Variants in FNBP1L observed in about 807,000 individuals in gnomAD.
FNBP1L encodes formin binding protein 1 like, also known as formin-binding protein 1-like.
In FNBP1L, 36 loss-of-function variants were observed where a neutral mutation model predicts 91.2. The ratio of observed to expected loss-of-function variants is 0.39; its 90% CI spans 0.30 to 0.52. The LOEUF (loss-of-function observed/expected upper bound fraction) is 0.52. FNBP1L is among the 20% of genes least tolerant of loss of function. FNBP1L has a pLI of 0.66. For missense variants in FNBP1L, 571 were observed against 732.1 expected, an observed-to-expected ratio of 0.78 and a Z score of 2.54; for synonymous variants, 242 against 237.0, an observed-to-expected ratio of 1.02 and a Z score of -0.19.
chr1:93,512,376 C>T (rs1570824539), intron 2 of FNBP1L, among the ~76,000 whole-genome samples: 3 of 151,568 alleles, frequency 2.0e-5, no homozygotes, highest in African/African-American at 7.3e-5. Context: ...GACAGAAAGT[C>T]AACAAGGATA....
At chr1:93,539,948 T>C (rs1039291140) in intron 10 of FNBP1L, among the ~76,000 whole-genome samples, 1 of 152,114 alleles carries the variant, frequency 6.6e-6, no homozygotes, top group Non-Finnish European at 1.5e-5. Context: ...CCCAACACCT[T>C]CTCTTAAAAC....
At chr1:93,525,960 C>T (rs922856810) in intron 5 of FNBP1L, among the ~76,000 whole-genome samples, 1 of 152,074 alleles carries the variant, frequency 6.6e-6, no homozygotes, top group African/African-American at 2.4e-5. Flanking sequence ...ATGTCTTCCT[C>T]TTTAGTCAAG....
intron 2 of FNBP1L, among the ~76,000 whole-genome samples, chr1:93,507,796 A>G (rs896150077): frequency 1.3e-4 from 19 of 151,822 alleles, no homozygotes; most frequent in Admixed American, 3.9e-4. Flanking sequence ...TTATAGGTGT[A>G]CACCACCGCA....
chr1:93,535,652 A>G (rs1671823082), intron 9 of FNBP1L, among the ~76,000 whole-genome samples: 1 of 152,060 alleles, frequency 6.6e-6, no homozygotes, highest in South Asian at 2.1e-4. Context: ...TAAAATTAAA[A>G]TTTAACTCAT....
At chr1:93,552,283 G>T in intron 16 of FNBP1L, 126 bp from the exon 17 acceptor site, 3 of 1,466,276 alleles carry the variant, frequency 2.0e-6, no homozygotes, top group Non-Finnish European at 1.8e-6. Flanking sequence ...AATTTTCCTG[G>T]TGTTTTCGGT....
intron 2 of FNBP1L, among the ~76,000 whole-genome samples, chr1:93,510,590 G>T (rs567719851): frequency 2.6e-5 from 4 of 152,150 alleles, no homozygotes; most frequent in Non-Finnish European, 5.9e-5. Context: ...CACCAGCAAC[G>T]GAACAAAGCT....
chr1:93,463,439 A>G (rs562642823), intron 1 of FNBP1L, among the ~76,000 whole-genome samples: 1 of 152,294 alleles, frequency 6.6e-6, no homozygotes, highest in Non-Finnish European at 1.5e-5. Flanking sequence ...CCAATTAACC[A>G]GTTGTAAAGT....
At chr1:93,536,956 A>C (rs2101764104) in intron 10 of FNBP1L, among the ~76,000 whole-genome samples, 1 of 152,254 alleles carries the variant, frequency 6.6e-6, no homozygotes, top group African/African-American at 2.4e-5. Flanking sequence ...AATAGTTAAA[A>C]AAAATTAAAG....
At chr1:93,513,980 G>T (rs1278184191) in intron 2 of FNBP1L, among the ~76,000 whole-genome samples, 1 of 152,036 alleles carries the variant, frequency 6.6e-6, no homozygotes, top group Admixed American at 6.6e-5. Context: ...AAGTCAAATT[G>T]TCCCTGTTTG....
chr1:93,538,001 A>G (rs1671901510), intron 10 of FNBP1L, among the ~76,000 whole-genome samples: 1 of 152,134 alleles, frequency 6.6e-6, no homozygotes, highest in Non-Finnish European at 1.5e-5. Context: ...GGCAATTTAG[A>G]CTACACTAAA....
At chr1:93,468,362 CTT>C (rs1297529175) in intron 1 of FNBP1L, among the ~76,000 whole-genome samples, 1 of 151,840 alleles carries the variant, frequency 6.6e-6, no homozygotes, top group Admixed American at 6.6e-5. Context: ...TGTTGATTGA[CTT>C]TTAGGTGTTT....
intron 1 of FNBP1L, 46 bp from the exon 2 acceptor site, chr1:93,499,422 T>C (rs1386455269): frequency 1.6e-6 from 2 of 1,237,492 alleles, no homozygotes; most frequent in African/African-American, 3.0e-5. Flanking sequence ...TATCTGTGGA[T>C]AAAATTTTAG....
intron 1 of FNBP1L, among the ~76,000 whole-genome samples, chr1:93,493,301 A>G (rs146507255): frequency 3.9e-4 from 60 of 152,338 alleles, no homozygotes; most frequent in African/African-American, 1.4e-3. Flanking sequence ...GTGAGCTATG[A>G]TGGTGAATGC....
intron 1 of FNBP1L, among the ~76,000 whole-genome samples, chr1:93,467,997 G>C (rs1408001312): frequency 6.6e-6 from 1 of 152,078 alleles, no homozygotes; most frequent in Non-Finnish European, 1.5e-5. Flanking sequence ...CAATTCCTTT[G>C]TGCTTGCCCT....
intron 2 of FNBP1L, among the ~76,000 whole-genome samples, chr1:93,521,260 C>G (rs1671318411): frequency 6.6e-6 from 1 of 152,044 alleles, no homozygotes; most frequent in African/African-American, 2.4e-5. Flanking sequence ...ATTCATTTGT[C>G]TAGAAAAGAG....
intron 15 of FNBP1L, among the ~76,000 whole-genome samples, chr1:93,550,282 G>C (rs570719276): frequency 1.2e-4 from 18 of 152,116 alleles, no homozygotes; most frequent in African/African-American, 2.4e-5. Context: ...CCAGGAGTTC[G>C]AATCCAACCT....
At chr1:93,489,986 G>C (rs945558555) in intron 1 of FNBP1L, among the ~76,000 whole-genome samples, 1 of 152,310 alleles carries the variant, frequency 6.6e-6, no homozygotes, top group East Asian at 1.9e-4. Context: ...TCCAAACTAG[G>C]ACAGCAAAGT....
At chr1:93,493,521 C>T (rs1670164800) in intron 1 of FNBP1L, among the ~76,000 whole-genome samples, 1 of 152,162 alleles carries the variant, frequency 6.6e-6, no homozygotes, top group Admixed American at 6.5e-5. Flanking sequence ...AATAACTCCC[C>T]ATTCCTTCCT....
At chr1:93,448,424 C>A in intron 1 of FNBP1L, 119 bp downstream of exon 1, 4 of 1,147,782 alleles carry the variant, frequency 3.5e-6, no homozygotes, top group Non-Finnish European at 4.7e-6. Context: ...CCGGCGCTGG[C>A]GGAGGGTGAG....
Sources: allele counts gnomAD v4.1 joint callset (sites outside exome capture counted in the v4.1 genomes callset), GRCh38; gene constraint gnomAD v4.1.1; transcripts MANE v1.5; gene names NCBI Gene and HGNC (gene_info 2026-07-23, HGNC 2026-07-21).